UTRN: variants seen among roughly 807,000 people sequenced by gnomAD.
UTRN encodes dystrophin-related protein 1.
A neutral mutation model predicts 463.9 loss-of-function variants in UTRN; 283 were observed. The ratio of observed to expected loss-of-function variants is 0.61; its 90% confidence interval spans 0.55 to 0.67. UTRN has a LOEUF of 0.67. Among genes scored for constraint, UTRN ranks in the 30% least tolerant of loss-of-function variants. UTRN has a pLI of 0.00. For missense variants in UTRN, 3,922 were observed against 4,084.3 expected (o/e 0.96, Z 1.08); for synonymous variants, 1,442 against 1,431.5 (o/e 1.01, Z -0.17).
intron 66 of UTRN, among the ~76,000 whole-genome samples, chr6:144,822,062 T>A (rs922182391): frequency 2.6e-5 from 4 of 152,092 alleles, no homozygotes; most frequent in Non-Finnish European, 5.9e-5. Flanking sequence ...GAAATGAAAC[T>A]TTAGCCTTCA....
chr6:144,405,564 G>A (rs1312575164), intron 3 of UTRN, among the ~76,000 whole-genome samples: 2 of 152,106 alleles, frequency 1.3e-5, no homozygotes. Context: ...GTACATTGTG[G>A]TGGGTTTTAC....
At chr6:144,704,841 A>G (rs1478912199) in intron 53 of UTRN, among the ~76,000 whole-genome samples, 2 of 152,142 alleles carry the variant, frequency 1.3e-5, no homozygotes, top group Non-Finnish European at 2.9e-5. Context: ...GTGCGCCTGT[A>G]GTCCCAGCTA....
chr6:144,499,480 T>A, intron 34 of UTRN, 53 bp downstream of exon 34: 1 of 1,494,130 alleles, frequency 6.7e-7, no homozygotes, highest in Non-Finnish European at 9.1e-7. Flanking sequence ...AACATGGCAT[T>A]TGTTCGGGCG....
chr6:144,366,958 G>A (rs1236673905), intron 2 of UTRN, among the ~76,000 whole-genome samples: 2 of 152,044 alleles, frequency 1.3e-5, no homozygotes, highest in African/African-American at 4.8e-5. Flanking sequence ...GATGTGAGAT[G>A]GTATCTCTAC....
At chr6:144,401,672 A>AT (rs142001265) in intron 2 of UTRN, among the ~76,000 whole-genome samples, 6,486 of 145,104 alleles carry the variant, frequency 0.045, 347 homozygotes, top group African/African-American at 0.13. Flanking sequence ...GTAAAAGTGC[A>AT]TTTTTTTTTT....
chr6:144,424,875 G>A (rs992002692), intron 6 of UTRN, among the ~76,000 whole-genome samples: 5 of 151,726 alleles, frequency 3.3e-5, no homozygotes, highest in Non-Finnish European at 7.4e-5. Context: ...ATAGCATATT[G>A]GTATAATAAT....
Position 144,444,383 on chromosome 6 carries a change from G to A in UTRN, c.1614+1G>A. 6.3e-7 allele frequency: 1 copy of A among 1,599,466 alleles called. No individual in the cohort carries two copies. The highest frequency in any genetic ancestry group is 8.5e-7 in the Non-Finnish European group (1 of 1,171,976). ...GTGGCAGGAATTATTGGAAGAACAGGTATGAAACTGTTTTCCATAAGGGGC... is the reference window on the plus strand; with the variant it reads ...GTGGCAGGAATTATTGGAAGAACAGATATGAAACTGTTTTCCATAAGGGGC... On this transcript the variant is annotated splice_donor_variant, in intron 14 of 74. Transcript: ENST00000367545. LOFTEE classifies it high-confidence loss of function.
intron 2 of UTRN, among the ~76,000 whole-genome samples, chr6:144,383,237 C>T (rs1023058092): frequency 2.6e-5 from 4 of 152,174 alleles, no homozygotes; most frequent in African/African-American, 9.7e-5. Flanking sequence ...CAGGCCATTT[C>T]AGCCTGTTTA....
At chr6:144,551,108 A>G (rs1196101762) in intron 48 of UTRN, 26 bp downstream of exon 48, 1 of 1,475,720 alleles carries the variant, frequency 6.8e-7, no homozygotes, top group Non-Finnish European at 9.3e-7. Flanking sequence ...AAAGTTATGT[A>G]TTATCATCCA....
In UTRN at chr6:144,782,018, G is replaced by A. The variant is rs1051297674; in HGVS notation, c.8729G>A (p.Cys2910Tyr). Residue 2910 changes from cysteine (C) to tyrosine (Y), a missense_variant, in exon 61 of 75, where the codon TGT becomes TAT. Cys to Tyr is a radical substitution (Grantham distance 194). Around this residue, in one of 3 missense-constraint regions of UTRN, gnomAD observed 1,309 missense variants for 1,452.6 expected, o/e 0.90. Transcript: ENST00000367545. ...CTCAGTGTTCCAGATGTCATCAACT[G>A]TCTGACAACAACTTATGATGGACTT... ...QLLSVPDVINCLTTTYDGLEQ... is the reference protein window; with the variant it reads ...QLLSVPDVINYLTTTYDGLEQ... 2 of 1,613,944 alleles carry A rather than the reference G, an allele frequency of 1.2e-6. No homozygotes were observed. The highest frequency in any genetic ancestry group is 2.7e-5 in the African/African-American group (2 of 74,940).
intron 48 of UTRN, among the ~76,000 whole-genome samples, chr6:144,552,284 A>G (rs1263062160): frequency 2.0e-5 from 3 of 152,186 alleles, no homozygotes; most frequent in Non-Finnish European, 2.9e-5. Context: ...AATGTCTAAC[A>G]GTGTTGGCTT....
At chr6:144,699,168 G>A (rs13212564) in intron 52 of UTRN, among the ~76,000 whole-genome samples, 2,061 of 152,184 alleles carry the variant, frequency 0.014, 24 homozygotes, top group Non-Finnish European at 0.02. Context: ...GACCAGGCGC[G>A]GTGGCTCACA....
chr6:144,465,919 T>G (rs1789914039), intron 23 of UTRN, among the ~76,000 whole-genome samples: 1 of 152,230 alleles, frequency 6.6e-6, no homozygotes, highest in African/African-American at 2.4e-5. Context: ...TAAAATGCAT[T>G]TTTCATTACA....
At chr6:144,451,245 G>A in intron 17 of UTRN, 125 bp from the exon 18 acceptor site, 1 of 1,016,384 alleles carries the variant, frequency 9.8e-7, no homozygotes, top group East Asian at 2.6e-5. Flanking sequence ...CTATTTCTGG[G>A]TTGCTGTTTT....
At chr6:144,344,862 G>A (rs1777434394) in intron 2 of UTRN, among the ~76,000 whole-genome samples, 1 of 152,254 alleles carries the variant, frequency 6.6e-6, no homozygotes, top group African/African-American at 2.4e-5. Flanking sequence ...ACATGCATAT[G>A]CATAACTTCA....
chr6:144,569,478 G>A (rs1800738262), intron 50 of UTRN, among the ~76,000 whole-genome samples: 2 of 152,008 alleles, frequency 1.3e-5, no homozygotes, highest in African/African-American at 4.8e-5. Context: ...CATACATGAG[G>A]TTAGGGAAAA....
intron 54 of UTRN, among the ~76,000 whole-genome samples, chr6:144,734,284 G>T (rs765440443): frequency 6.6e-6 from 1 of 152,184 alleles, no homozygotes; most frequent in Non-Finnish European, 1.5e-5. Context: ...GAACTCATCA[G>T]TACTTGCTTT....
chr6:144,828,439 T>C (rs1780380121), intron 68 of UTRN, among the ~76,000 whole-genome samples: 1 of 151,708 alleles, frequency 6.6e-6, no homozygotes, highest in Non-Finnish European at 1.5e-5. Context: ...TCATGGAGAG[T>C]TTTTGTTATG....
intron 46 of UTRN, among the ~76,000 whole-genome samples, chr6:144,547,944 A>G (rs1333890060): frequency 6.6e-6 from 1 of 152,230 alleles, no homozygotes; most frequent in Non-Finnish European, 1.5e-5. Context: ...CTCATCTAAT[A>G]TATCATACCT....
Sources: gnomAD v4.1 joint callset for allele counts (sites outside exome capture counted in the v4.1 genomes callset) on GRCh38, gnomAD v4.1.1 for gene constraint, gnomAD v4.1.1 regional missense constraint, MANE v1.5 for transcripts, NCBI Gene and HGNC (gene_info 2026-07-23, HGNC 2026-07-21) for gene names.